The following GBE1 variants were observed in gnomAD, a reference collection of about 807,000 sequenced individuals.
The protein encoded by GBE1 is 1,4-alpha-glucan branching enzyme 1, also known as 1,4-alpha-glucan-branching enzyme.
Under a neutral mutation model 88.8 loss-of-function variants are expected in GBE1, and 70 were observed. The observed-to-expected ratio is 0.79, with a 90% confidence interval of 0.65 to 0.96. The LOEUF (loss-of-function observed/expected upper bound fraction) is 0.96. Ranked by LOEUF, GBE1 falls within the 40% of genes least tolerant of loss-of-function variation. The probability of loss-of-function intolerance (pLI) is 0.00; values close to 1 mark genes in which losing one functional copy is unlikely to be tolerated. For synonymous variants in GBE1, 284 were observed against 300.1 expected (o/e 0.95, Z 0.56); for missense variants, 872 against 871.0 (o/e 1.00, Z -0.01).
chr3:81,546,120 T>C (rs1353631429), intron 12 of GBE1, among the ~76,000 whole-genome samples: 2 of 152,054 alleles, frequency 1.3e-5, no homozygotes, highest in Non-Finnish European at 2.9e-5. Context: ...AAACAGTGTA[T>C]ACATGGTTCA....
chr3:81,669,976 A>C (rs2107113285), intron 3 of GBE1, among the ~76,000 whole-genome samples: 1 of 152,308 alleles, frequency 6.6e-6, no homozygotes, highest in Non-Finnish European at 1.5e-5. Context: ...TAATATTGTT[A>C]AATAACAAAT....
At chr3:81,679,373 A>T (rs546740938) in intron 2 of GBE1, among the ~76,000 whole-genome samples, 16 of 152,208 alleles carry the variant, frequency 1.1e-4, no homozygotes, top group Non-Finnish European at 2.1e-4. Flanking sequence ...AACCACCCAT[A>T]ACCTCATCAA....
In GBE1 at chr3:81,649,813, G is replaced by T; in HGVS notation, c.538C>A (p.Pro180Thr). 6.2e-7 allele frequency: 1 copy of T among 1,608,712 alleles called. No homozygotes were observed. Among genetic ancestry groups the T allele is most frequent in the Non-Finnish European group, 8.5e-7 (1 of 1,176,980 alleles). Reference sequence around the variant, plus strand: ...GTTCTCACCTCATATGAGTGTTCTGGATCCCAGTGTATCCAATCATAATTC... The same window carrying T: ...GTTCTCACCTCATATGAGTGTTCTGTATCCCAGTGTATCCAATCATAATTC... ...NVNYDWIHWD[P>T]EHSYEFKHSR... Residue 180 changes from proline (P) to threonine (T), a missense_variant, in exon 4 of 16, where the codon CCA becomes ACA. Pro to Thr is a conservative substitution (Grantham distance 38). Coordinates refer to ENST00000429644, the MANE Select transcript of GBE1 (RefSeq NM_000158.4).
At chr3:81,646,557 T>G in intron 5 of GBE1, 75 bp from the exon 6 acceptor site, 1 of 772,666 alleles carries the variant, frequency 1.3e-6, no homozygotes, top group Non-Finnish European at 2.2e-6. Flanking sequence ...AAAGCATCCT[T>G]ATTCCAAATA....
intron 7 of GBE1, among the ~76,000 whole-genome samples, chr3:81,608,643 A>G (rs1704133412): frequency 6.6e-6 from 1 of 152,212 alleles, no homozygotes; most frequent in Non-Finnish European, 1.5e-5. Context: ...GTTATGATAT[A>G]TCTGTTAACT....
chr3:81,556,485 G>GTA (rs1256046260), intron 12 of GBE1, among the ~76,000 whole-genome samples: 9 of 151,982 alleles, frequency 5.9e-5, no homozygotes. Context: ...AATGTGTCAG[G>GTA]TATTTGGGGG....
chr3:81,715,055 C>T (rs189091875), intron 1 of GBE1, among the ~76,000 whole-genome samples: 233 of 152,174 alleles, frequency 1.5e-3, no homozygotes, highest in Admixed American at 2.4e-3. Context: ...ACATGTAGTT[C>T]ATAGCAAAAT....
rs766366468 is a variant in GBE1 at position 81,577,918 on chromosome 3, CACTT to C, written c.1618+3_1618+6del. On this transcript the variant is annotated splice_donor_5th_base_variant and intron_variant, in intron 12 of 15. Coordinates refer to ENST00000429644, the MANE Select transcript of GBE1 (RefSeq NM_000158.4). Reference sequence around the variant, plus strand: ...ACAAATTGCATATGTGTTTAACTCACACTTACCCATGAAATTGAGATAGCCTTCT... The same window carrying C: ...ACAAATTGCATATGTGTTTAACTCACACCCATGAAATTGAGATAGCCTTCT... 8.2e-6 allele frequency: 13 copies of C among 1,587,358 alleles called. No homozygotes were observed. The highest frequency in any genetic ancestry group is 4.8e-5 in the South Asian group (4 of 84,090).
chr3:81,600,089 T>C (rs560267933), intron 7 of GBE1, among the ~76,000 whole-genome samples: 4 of 152,056 alleles, frequency 2.6e-5, no homozygotes, highest in South Asian at 2.1e-4. Flanking sequence ...CTGGCCAACA[T>C]TGTGAAACCC....
intron 12 of GBE1, among the ~76,000 whole-genome samples, chr3:81,574,680 T>G (rs1472137428): frequency 6.6e-6 from 1 of 152,210 alleles, no homozygotes; most frequent in African/African-American, 2.4e-5. Context: ...TTTCTGGTTG[T>G]GCAAACTGAG....
At chr3:81,738,918 G>A (rs1706311686) in intron 1 of GBE1, among the ~76,000 whole-genome samples, 1 of 152,120 alleles carries the variant, frequency 6.6e-6, no homozygotes. Flanking sequence ...CAAAAGAAAT[G>A]TATTGCTCAT....
At chr3:81,657,149 C>G (rs11718810) in intron 3 of GBE1, among the ~76,000 whole-genome samples, 13 of 141,740 alleles carry the variant, frequency 9.2e-5, no homozygotes, top group African/African-American at 2.9e-4. Flanking sequence ...AAAAAAAAAA[C>G]AAAACAAAAA....
chr3:81,564,024 G>A (rs1703457268), intron 12 of GBE1, among the ~76,000 whole-genome samples: 1 of 152,096 alleles, frequency 6.6e-6, no homozygotes, highest in Non-Finnish European at 1.5e-5. Flanking sequence ...TAAAATTCCT[G>A]TAGAAATTTA....
At chr3:81,705,956 C>T (rs543091113) in intron 1 of GBE1, among the ~76,000 whole-genome samples, 12 of 152,114 alleles carry the variant, frequency 7.9e-5, no homozygotes, top group African/African-American at 2.2e-4. Context: ...CTACATCTCT[C>T]TCCTCTGATT....
chr3:81,566,675 C>A (rs1253920776), intron 12 of GBE1, among the ~76,000 whole-genome samples: 1 of 152,130 alleles, frequency 6.6e-6, no homozygotes, highest in Non-Finnish European at 1.5e-5. Flanking sequence ...CCTCCTTTTG[C>A]TCTCAAATGA....
chr3:81,650,843 T>G (rs9990143), intron 3 of GBE1, among the ~76,000 whole-genome samples: 92,527 of 150,348 alleles, frequency 0.62, 29,050 homozygotes, highest in East Asian at 0.94. Flanking sequence ...TTTGGGGGGG[T>G]CTGGGGTTTT....
At chr3:81,497,841 AC>A (rs2106807875) in intron 15 of GBE1, among the ~76,000 whole-genome samples, 1 of 152,212 alleles carries the variant, frequency 6.6e-6, no homozygotes, top group African/African-American at 2.4e-5. Flanking sequence ...TTATTTCAGA[AC>A]TTTATGGTAA....
chr3:81,600,556 T>G (rs1468645614), intron 7 of GBE1, among the ~76,000 whole-genome samples: 3 of 152,148 alleles, frequency 2.0e-5, no homozygotes, highest in African/African-American at 7.2e-5. Context: ...AATAAAGATC[T>G]TATACAAACA....
chr3:81,761,271 G>C, intron 1 of GBE1, 104 bp downstream of exon 1: 5 of 1,427,776 alleles, frequency 3.5e-6, no homozygotes, highest in Non-Finnish European at 3.8e-6. Context: ...TCCCCGCCTG[G>C]GGCGGGGTTG....
Sources: gnomAD v4.1 joint callset for allele counts (sites outside exome capture counted in the v4.1 genomes callset) on GRCh38, gnomAD v4.1.1 for gene constraint, MANE v1.5 for transcripts, NCBI Gene and HGNC (gene_info 2026-07-23, HGNC 2026-07-21) for gene names.